The following PCDH17 variants were observed in gnomAD, a reference collection of about 807,000 sequenced individuals.
The protein encoded by PCDH17 is protocadherin 17, also known as protocadherin-17.
Under a neutral mutation model 67.7 loss-of-function variants are expected in PCDH17, and 21 were observed. The observed-to-expected ratio is 0.31, with a 90% CI of 0.22 to 0.45. PCDH17 has a LOEUF of 0.45. Among genes scored for constraint, PCDH17 ranks in the 20% least tolerant of loss-of-function variants. The pLI, the probability that PCDH17 is intolerant of heterozygous loss-of-function variation, is 1.00. For synonymous variants in PCDH17, 701 were observed against 656.7 expected (o/e 1.07, Z -1.03); for missense variants, 1,471 against 1,564.8 (o/e 0.94, Z 1.01).
intron 3 of PCDH17, among the ~76,000 whole-genome samples, chr13:57,689,247 G>A (rs549421489): frequency 1.3e-5 from 2 of 152,124 alleles, no homozygotes; most frequent in Admixed American, 1.3e-4. Flanking sequence ...ACATATGAAG[G>A]TAATGAAGAA....
At chr13:57,698,751 C>G (rs1400221363) in intron 3 of PCDH17, among the ~76,000 whole-genome samples, 3 of 151,838 alleles carry the variant, frequency 2.0e-5, no homozygotes, top group Non-Finnish European at 2.9e-5. Context: ...AATAAAATGG[C>G]CTTCAACACT....
chr13:57,641,576 AAAAAAAAAAAAATATAT>A (rs1346587953), intron 1 of PCDH17, among the ~76,000 whole-genome samples: 10 of 81,572 alleles, frequency 1.2e-4, no homozygotes, highest in African/African-American at 4.6e-4. Flanking sequence ...AAAAAAAAAA[AAAAAAAAAAAAATATAT>A]ATATATATAT....
intron 3 of PCDH17, among the ~76,000 whole-genome samples, chr13:57,690,704 A>C (rs2138061129): frequency 6.6e-6 from 1 of 151,742 alleles, no homozygotes; most frequent in South Asian, 2.1e-4. Flanking sequence ...ATAAAACTGA[A>C]AATTTTCATG....
chr13:57,685,033 A>C (rs1955493181), intron 3 of PCDH17, among the ~76,000 whole-genome samples: 1 of 151,964 alleles, frequency 6.6e-6, no homozygotes, highest in Non-Finnish European at 1.5e-5. Context: ...TTTAAAAAGA[A>C]GTCAGATTTT....
chr13:57,686,462 A>G (rs1208405268), intron 3 of PCDH17, among the ~76,000 whole-genome samples: 3 of 151,942 alleles, frequency 2.0e-5, no homozygotes, highest in African/African-American at 7.2e-5. Context: ...ATGACTCTAC[A>G]AACAAATTGT....
intron 3 of PCDH17, among the ~76,000 whole-genome samples, chr13:57,718,610 C>G (rs940974258): frequency 4.6e-5 from 7 of 151,832 alleles, no homozygotes; most frequent in African/African-American, 1.7e-4. Flanking sequence ...TAATAATCAA[C>G]ATAGCCAAAA....
chr13:57,653,451 C>T (rs1593903271), intron 1 of PCDH17, among the ~76,000 whole-genome samples: 2 of 152,042 alleles, frequency 1.3e-5, no homozygotes, highest in Non-Finnish European at 2.9e-5. Context: ...ATGAATCATA[C>T]AGTACTTGAA....
chr13:57,714,109 C>T (rs1955799433), intron 3 of PCDH17, among the ~76,000 whole-genome samples: 2 of 151,602 alleles, frequency 1.3e-5, no homozygotes, highest in Non-Finnish European at 1.5e-5. Flanking sequence ...TCTTCTGGGA[C>T]TCCCATATCC....
intron 3 of PCDH17, among the ~76,000 whole-genome samples, chr13:57,693,340 A>ATATATATG (rs1261275837): frequency 2.1e-5 from 3 of 142,832 alleles, no homozygotes; most frequent in Non-Finnish European, 3.1e-5. Context: ...ATATATATAT[A>ATATATATG]TATATCAAGG....
chr13:57,707,006 CA>C (rs1213524312), intron 3 of PCDH17, among the ~76,000 whole-genome samples: 1 of 151,966 alleles, frequency 6.6e-6, no homozygotes, highest in Non-Finnish European at 1.5e-5. Flanking sequence ...TTCTCAATTA[CA>C]AAAGTAATTG....
At chr13:57,679,272 AATT>A (rs1267970331) in intron 3 of PCDH17, among the ~76,000 whole-genome samples, 1 of 151,436 alleles carries the variant, frequency 6.6e-6, no homozygotes, top group African/African-American at 2.4e-5. Context: ...TAATGAAAAA[AATT>A]ATCGACTACG....
At chr13:57,669,825 A>G (rs1955298746) in intron 3 of PCDH17, among the ~76,000 whole-genome samples, 1 of 152,052 alleles carries the variant, frequency 6.6e-6, no homozygotes, top group Non-Finnish European at 1.5e-5. Flanking sequence ...AACCATTTTG[A>G]CTCATTGCTA....
At chr13:57,630,678 T>C (rs1954707075), upstream of PCDH17, among the ~76,000 whole-genome samples, 1 of 152,226 alleles carries the variant, frequency 6.6e-6, no homozygotes, top group Non-Finnish European at 1.5e-5. Flanking sequence ...AGATTCAGCT[T>C]CACCTTCTTC....
intron 3 of PCDH17, among the ~76,000 whole-genome samples, chr13:57,674,352 G>C (rs942414160): frequency 6.6e-6 from 1 of 151,540 alleles, no homozygotes; most frequent in Admixed American, 6.6e-5. Flanking sequence ...CTAGAGACAG[G>C]GTCTCGTTCT....
Position 57,634,544 on chromosome 13 carries a change from C to G in PCDH17, c.1998C>G (p.Thr666=), listed in dbSNP as rs201266461. 39 of 1,612,928 alleles carry G rather than the reference C, an allele frequency of 2.4e-5. No homozygotes were observed. Among genetic ancestry groups the G allele is most frequent in the Admixed American group, 1.5e-4 (9 of 60,016 alleles). The part of the protein sequence containing the change: ...TPVVELVVKV[T]DHGKPTLSAV... The stretch of plus-strand genomic sequence containing the variant: ...TGGTGGAGCTGGTGGTGAAGGTGAC[C>G]GACCACGGCAAGCCTACCCTGTCCG... Residue 666 remains threonine, a synonymous_variant, in exon 1 of 4, where the codon ACC becomes ACG. Transcript: ENST00000377918. This position sits in a 1 kb window ranked among gnomAD's most constrained non-coding sequence, Gnocchi z 7.8.
At chr13:57,693,322 A>G (rs1237866983) in intron 3 of PCDH17, among the ~76,000 whole-genome samples, 3 of 138,334 alleles carry the variant, frequency 2.2e-5, no homozygotes, top group Non-Finnish European at 4.7e-5. Flanking sequence ...ATTCATATAT[A>G]TATATATATA....
At position 57,633,214 on chromosome 13, in the gene PCDH17, G is replaced by A. The variant is rs200690239; in HGVS notation, c.668G>A (p.Arg223His). 3.7e-4 allele frequency: 591 copies of A among 1,613,120 alleles called. No individual in the cohort carries two copies. The highest frequency in any genetic ancestry group is 4.6e-4 in the Non-Finnish European group (546 of 1,179,994). The part of the protein sequence containing the change: ...LTALDGGEPP[R>H]SATVQINVKV... ...GCCCTGGACGGTGGCGAGCCTCCAC[G>A]TTCCGCCACCGTACAGATCAACGTG... is the stretch of plus-strand genomic sequence containing the variant. The change falls in exon 1 of 4, where the codon CGT becomes CAT. Residue 223 changes from arginine to histidine, a missense_variant. By Grantham distance (29) the Arg-to-His change is conservative. Transcript: ENST00000377918. The surrounding 1 kb of genome is among the most constrained non-coding windows in gnomAD (Gnocchi z 6.2).
At chr13:57,690,751 A>G (rs1190852074) in intron 3 of PCDH17, among the ~76,000 whole-genome samples, 2 of 151,616 alleles carry the variant, frequency 1.3e-5, no homozygotes, top group African/African-American at 4.8e-5. Context: ...ATCCATAAAT[A>G]TAAGTCCTTT....
chr13:57,716,915 T>C (rs888485502), intron 3 of PCDH17, among the ~76,000 whole-genome samples: 1 of 151,976 alleles, frequency 6.6e-6, no homozygotes, highest in Non-Finnish European at 1.5e-5. Flanking sequence ...AATTATTGTG[T>C]GTAACTTCTT....
Sources: allele counts gnomAD v4.1 joint callset (sites outside exome capture counted in the v4.1 genomes callset), GRCh38; gene constraint gnomAD v4.1.1; non-coding constraint Gnocchi (gnomAD v3.1); transcripts MANE v1.5; gene names NCBI Gene and HGNC (gene_info 2026-07-23, HGNC 2026-07-21).